The following MSN variants were observed in gnomAD, a reference collection of about 807,000 sequenced individuals.
MSN encodes the protein moesin.
MSN carries 2 observed loss-of-function variants against 48.0 expected under a neutral mutation model. That is an observed-to-expected ratio of 0.04 (90% confidence interval 0.02 to 0.13). MSN has a LOEUF of 0.13. Ranked by LOEUF, MSN falls within the 10% of genes least tolerant of loss-of-function variation. MSN has a pLI of 1.00. For missense variants in MSN, 267 were observed against 470.1 expected (o/e 0.57, Z 3.99); for synonymous variants, 146 against 166.9 (o/e 0.87, Z 0.97).
At chrX:65,693,911 G>T (rs2071201311) in intron 1 of MSN, among the ~76,000 whole-genome samples, 1 of 110,452 alleles carries the variant, frequency 9.1e-6, no homozygotes, top group Admixed American at 9.6e-5. Context: ...AAATTAGCCG[G>T]GCATGGTGGC....
chrX:65,691,595 C>T (rs1416092428), intron 1 of MSN, among the ~76,000 whole-genome samples: 2 of 111,159 alleles, frequency 1.8e-5, no homozygotes, highest in Non-Finnish European at 3.8e-5. Context: ...ACTTTCGCCT[C>T]CTGGGTTCAA....
At chrX:65,604,053 TACA>T (rs763152474) in intron 1 of MSN, among the ~76,000 whole-genome samples, 69 of 112,638 alleles carry the variant, frequency 6.1e-4, no homozygotes, top group African/African-American at 2.1e-3. Flanking sequence ...ATTTGATTCT[TACA>T]ACAACTTTAT....
intron 1 of MSN, chrX:65,625,785 G>T (rs1261223656): frequency 9.2e-6 from 1 of 109,188 alleles, no homozygotes; most frequent in Non-Finnish European, 1.9e-5. Context: ...TGATATGGAA[G>T]AACTTACTTC....
chrX:65,667,579 C>T (rs759832118), upstream of MSN: 10 of 863,415 alleles, frequency 1.2e-5, no homozygotes, highest in East Asian at 2.1e-4. Flanking sequence ...CAGCGGTCGG[C>T]GGGGAGGCGG....
chrX:65,689,199 G>C (rs2071146896), intron 1 of MSN, among the ~76,000 whole-genome samples: 1 of 111,667 alleles, frequency 9.0e-6, no homozygotes, highest in Non-Finnish European at 1.9e-5. Flanking sequence ...TAACCTCTGA[G>C]GGCTATTTCC....
At chrX:65,622,100 T>G (rs2070452625) in intron 1 of MSN, among the ~76,000 whole-genome samples, 2 of 105,694 alleles carry the variant, frequency 1.9e-5, no homozygotes, top group South Asian at 8.3e-4. Flanking sequence ...TCTTTTCTTT[T>G]TTTTTTTTTT....
chrX:65,730,191 T>C (rs1376230281), intron 4 of MSN, among the ~76,000 whole-genome samples: 1 of 112,133 alleles, frequency 8.9e-6, no homozygotes, highest in African/African-American at 3.2e-5. Context: ...TCTAAAACAC[T>C]CATTATTTTT....
chrX:65,600,146 A>T (rs1045760173), intron 1 of MSN, among the ~76,000 whole-genome samples: 6 of 111,205 alleles, frequency 5.4e-5, no homozygotes, highest in Admixed American at 4.8e-4. Context: ...AAGGAGAGAG[A>T]TGAGCAGAGG....
chrX:65,628,851 G>C lies in MSN; in HGVS notation c.-22+40239G>C, dbSNP rs765818920. On this transcript the variant is annotated intron_variant, in intron 1 of 3. Coordinates refer to the MSN transcript ENST00000609672. ...AGGCCGAGGTGGGCGGATCACCTGA[G>C]GTCAAGAGTTTGAGACCAGCCTGGC... 2.7e-5 allele frequency among the ~76,000 whole-genome samples: 3 copies of C among 110,073 alleles called. No homozygotes were observed. In the Admixed American group the frequency reaches 2.9e-4, roughly 11 times the overall value.
At chrX:65,724,511 A>G (rs1457016468) in intron 2 of MSN, among the ~76,000 whole-genome samples, 1 of 111,175 alleles carries the variant, frequency 9.0e-6, no homozygotes, top group Non-Finnish European at 1.9e-5. Flanking sequence ...GTGCAAAAAG[A>G]GGCTAACGGT....
rs367607789 is a variant in MSN, at chrX:65,609,670, T to G, written c.-22+21058T>G. Among the ~76,000 whole-genome samples the G allele has an allele frequency of 4.4e-4, 49 of 111,467 alleles. 1 individual carries two copies. Among genetic ancestry groups the G allele is most frequent in the African/African-American group, 1.6e-3 (48 of 30,670 alleles). ...AGGCCAAGGTGGGCGGATAATGAGG[T>G]CAGGAGATCAAGACCATCCTGGCTA... On this transcript the variant is annotated intron_variant, in intron 1 of 3. Transcript: ENST00000609672.
intron 1 of MSN, among the ~76,000 whole-genome samples, chrX:65,678,646 C>T (rs1023441687): frequency 1.8e-5 from 2 of 111,559 alleles, no homozygotes; most frequent in Non-Finnish European, 3.8e-5. Context: ...CTCCCCTTCC[C>T]AGTCCTGAGC....
chrX:65,670,709 T>G (rs1310316979), intron 1 of MSN, among the ~76,000 whole-genome samples: 1 of 104,589 alleles, frequency 9.6e-6, no homozygotes, highest in Admixed American at 1.1e-4. Flanking sequence ...GGTGACAGAG[T>G]GAGACTCCAT....
intron 1 of MSN, among the ~76,000 whole-genome samples, chrX:65,621,592 C>T (rs2070446999): frequency 9.1e-6 from 1 of 109,826 alleles, no homozygotes; most frequent in South Asian, 3.7e-4. Context: ...TATTCAGGGC[C>T]CCTTGTAGTT....
At chrX:65,697,282 T>C (rs1356906031) in intron 1 of MSN, among the ~76,000 whole-genome samples, 3 of 111,440 alleles carry the variant, frequency 2.7e-5, no homozygotes, top group Non-Finnish European at 5.7e-5. Flanking sequence ...TCATGCCACA[T>C]TGAAGGTCTG....
intron 1 of MSN, among the ~76,000 whole-genome samples, chrX:65,639,944 T>C (rs2070636045): frequency 9.0e-6 from 1 of 111,650 alleles, no homozygotes; most frequent in Non-Finnish European, 1.9e-5. Context: ...ACTGAGCACC[T>C]ACTATCTGCC....
At chrX:65,623,868 T>C (rs1488074414) in intron 1 of MSN, among the ~76,000 whole-genome samples, 1 of 110,299 alleles carries the variant, frequency 9.1e-6, no homozygotes, top group Non-Finnish European at 1.9e-5. Flanking sequence ...CTCTGGTTTT[T>C]CCTTTGTTGG....
At chrX:65,593,971 T>C (rs2070167920) in intron 1 of MSN, among the ~76,000 whole-genome samples, 1 of 112,065 alleles carries the variant, frequency 8.9e-6, no homozygotes, top group Non-Finnish European at 1.9e-5. Flanking sequence ...TGGGACCAGG[T>C]TGAGGAAGGG....
chrX:65,722,404 C>CATGTGTGT (rs3222492), intron 2 of MSN, among the ~76,000 whole-genome samples: 1 of 94,696 alleles, frequency 1.1e-5, no homozygotes, highest in African/African-American at 4.2e-5. Flanking sequence ...CGTGCACGCT[C>CATGTGTGT]GTGTGTGTGT....
Sources: gnomAD v4.1 joint callset for allele counts (sites outside exome capture counted in the v4.1 genomes callset) on GRCh38, gnomAD v4.1.1 for gene constraint, MANE v1.5 for transcripts, NCBI Gene and HGNC (gene_info 2026-07-23, HGNC 2026-07-21) for gene names.